The following ETV6 variants were observed in gnomAD, a reference collection of about 807,000 sequenced individuals.
ETV6 encodes ETS variant transcription factor 6, also known as transcription factor ETV6.
A neutral mutation model predicts 51.1 loss-of-function variants in ETV6; 16 were observed. That is an observed-to-expected ratio of 0.31 (90% CI 0.21 to 0.48). The LOEUF is 0.48. Ranked by LOEUF, ETV6 falls within the 20% of genes least tolerant of loss-of-function variation. The pLI is 0.99. For synonymous variants in ETV6, 240 were observed against 224.1 expected, an observed-to-expected ratio of 1.07 and a Z score of -0.64; for missense variants, 458 against 594.8, an observed-to-expected ratio of 0.77 and a Z score of 2.39.
At chr12:11,887,175 C>G (rs1947203486) in intron 7 of ETV6, among the ~76,000 whole-genome samples, 1 of 152,194 alleles carries the variant, frequency 6.6e-6, no homozygotes, top group Non-Finnish European at 1.5e-5. Context: ...CATTCTCTGG[C>G]TCTACCGTAT....
At chr12:11,669,364 T>TTCCTCCCG in intron 1 of ETV6, among the ~76,000 whole-genome samples, 1 of 136,716 alleles carries the variant, frequency 7.3e-6, no homozygotes, top group South Asian at 2.4e-4. Context: ...CTGTCCTCCC[T>TTCCTCCCG]TCCTCCCTTC....
intron 7 of ETV6, 90 bp downstream of exon 7, chr12:11,886,116 A>T: frequency 1.1e-6 from 1 of 903,522 alleles, no homozygotes; most frequent in South Asian, 1.4e-5. Context: ...TAAGATCTCT[A>T]CCTGCCTATC....
At chr12:11,748,550 G>A (rs1431684195) in intron 1 of ETV6, among the ~76,000 whole-genome samples, 1 of 152,114 alleles carries the variant, frequency 6.6e-6, no homozygotes, top group South Asian at 2.1e-4. Context: ...ATGTGCTAGG[G>A]GATCCCCGTG....
Position 11,889,062 on chromosome 12 carries a change from G to GTGGAA in ETV6, c.1254-1877_1254-1873dup, listed in dbSNP as rs535828297. Reference sequence around the variant, plus strand: ...AGTTAATGCTTATTGACAGCCTGGTGTGGAATATCAGAAGCTTAATATGGG... The same window carrying GTGGAA: ...AGTTAATGCTTATTGACAGCCTGGTGTGGAATGGAATATCAGAAGCTTAATATGGG... On this transcript the variant is annotated intron_variant, in intron 7 of 7. Coordinates refer to ENST00000396373, the MANE Select transcript of ETV6 (RefSeq NM_001987.5). 9.2e-5 allele frequency among the ~76,000 whole-genome samples: 14 copies of GTGGAA among 152,132 alleles called. No homozygotes were observed. In the East Asian group the frequency reaches 2.1e-3, roughly 23 times the overall value.
chr12:11,815,160 C>T lies in ETV6; in HGVS notation c.164-23980C>T, dbSNP rs149246546. Among the ~76,000 whole-genome samples the T allele has an allele frequency of 3.9e-5, 6 of 152,284 alleles. No individual in the cohort carries two copies. In the East Asian group the frequency reaches 1.2e-3, roughly 29 times the overall value. The stretch of plus-strand genomic sequence containing the variant: ...TTATAGTCATGTCGAAGAACCTTCA[C>T]ATCCATGGCCTCATTTGATCTCACA... On this transcript the variant is annotated intron_variant, in intron 2 of 7. Coordinates refer to ENST00000396373, the MANE Select transcript of ETV6 (RefSeq NM_001987.5).
intron 1 of ETV6, among the ~76,000 whole-genome samples, chr12:11,734,427 C>A (rs1259180731): frequency 6.7e-6 from 1 of 149,564 alleles, no homozygotes; most frequent in Non-Finnish European, 1.5e-5. Flanking sequence ...GGCAACATGA[C>A]GAAACCTCGT....
intron 1 of ETV6, among the ~76,000 whole-genome samples, chr12:11,675,783 C>A (rs928048946): frequency 6.6e-6 from 1 of 151,836 alleles, no homozygotes; most frequent in African/African-American, 2.4e-5. Flanking sequence ...CACTGTACTT[C>A]ACGCTGGGCA....
intron 2 of ETV6, among the ~76,000 whole-genome samples, chr12:11,798,492 C>G (rs929522097): frequency 3.3e-4 from 51 of 152,250 alleles, no homozygotes; most frequent in African/African-American, 1.2e-3. Flanking sequence ...ATGTGAAATA[C>G]TAGCTTGCGA....
chr12:11,839,105 C>A (rs1235160515), intron 2 of ETV6, 35 bp from the exon 3 acceptor site: 12 of 1,596,454 alleles, frequency 7.5e-6, no homozygotes, highest in Non-Finnish European at 1.0e-5. Flanking sequence ...CAAGACCTTT[C>A]TCTCTTTCTT....
intron 1 of ETV6, among the ~76,000 whole-genome samples, chr12:11,676,260 T>C (rs1405400766): frequency 6.6e-6 from 1 of 152,184 alleles, no homozygotes; most frequent in Non-Finnish European, 1.5e-5. Context: ...GTAGGAGTTA[T>C]AGTGACACAG....
At chr12:11,816,140 G>A (rs1945990006) in intron 2 of ETV6, among the ~76,000 whole-genome samples, 1 of 152,248 alleles carries the variant, frequency 6.6e-6, no homozygotes, top group Non-Finnish European at 1.5e-5. Context: ...TGTCAGTGTG[G>A]CTGGAGCCAG....
chr12:11,884,414 A>T (rs1411782211), intron 5 of ETV6, 31 bp from the exon 6 acceptor site: 1 of 1,612,920 alleles, frequency 6.2e-7, no homozygotes, highest in Non-Finnish European at 8.5e-7. Flanking sequence ...AAACATTTTC[A>T]ACAGTGTTTT....
In ETV6 at chr12:11,666,062, C is replaced by T. The variant is rs143595742; in HGVS notation, c.33+15902C>T. On this transcript the variant is annotated intron_variant, in intron 1 of 7. Coordinates refer to ENST00000396373, the MANE Select transcript of ETV6 (RefSeq NM_001987.5). ...AGTGGCTGTTTGTTGTAGCTGTGTG[C>T]GGTCTTGGCCATAGCTGGCTGTGGT... Among the ~76,000 whole-genome samples the T allele has an allele frequency of 5.9e-5, 9 of 152,160 alleles. No homozygotes were observed. The East Asian group carries it at 9.7e-4, about 16-fold the overall frequency.
chr12:11,779,618 C>T (rs1945382567), intron 2 of ETV6, among the ~76,000 whole-genome samples: 1 of 152,084 alleles, frequency 6.6e-6, no homozygotes, highest in South Asian at 2.1e-4. Context: ...CTCTTTTCTG[C>T]CAGAAGGAAA....
In ETV6 at chr12:11,886,271, G is replaced by A. The variant is rs1041420913; in HGVS notation, c.1253+245G>A. On this transcript the variant is annotated intron_variant, in intron 7 of 7. Coordinates refer to ENST00000396373, the MANE Select transcript of ETV6 (RefSeq NM_001987.5). ...GAATCTGACTCACCTTTAAAATAACGCAGTGACCAAATAATATTATGTGGC... is the reference window on the plus strand; with the variant it reads ...GAATCTGACTCACCTTTAAAATAACACAGTGACCAAATAATATTATGTGGC... Among the ~76,000 whole-genome samples, 4 of 152,124 alleles carry A rather than the reference G, an allele frequency of 2.6e-5. No individual in the cohort carries two copies. In the East Asian group the frequency reaches 5.8e-4, roughly 22 times the overall value.
intron 1 of ETV6, among the ~76,000 whole-genome samples, chr12:11,669,108 C>T (rs545423269): frequency 2.0e-4 from 30 of 152,356 alleles, no homozygotes; most frequent in Admixed American, 1.9e-3. Flanking sequence ...CTTCCCCTTT[C>T]CTGGGCTTTG....
chr12:11,700,341 TTG>T (rs1402174793), intron 1 of ETV6, among the ~76,000 whole-genome samples: 1 of 152,208 alleles, frequency 6.6e-6, no homozygotes, highest in Non-Finnish European at 1.5e-5. Flanking sequence ...GTAGTGAACA[TTG>T]TACCCAATAG....
chr12:11,856,807 A>G (rs2238126), intron 4 of ETV6, among the ~76,000 whole-genome samples: 28,129 of 152,104 alleles, frequency 0.18, 2,978 homozygotes, highest in East Asian at 0.49. Context: ...ATACAGAAAG[A>G]TCTGGTTCTG....
chr12:11,714,291 T>C (rs1224877443), intron 1 of ETV6, among the ~76,000 whole-genome samples: 1 of 152,184 alleles, frequency 6.6e-6, no homozygotes, highest in East Asian at 1.9e-4. Context: ...GGCACAGATA[T>C]AACGGCTCTC....
Sources: gnomAD v4.1 joint callset for allele counts (sites outside exome capture counted in the v4.1 genomes callset) on GRCh38, gnomAD v4.1.1 for gene constraint, MANE v1.5 for transcripts, NCBI Gene and HGNC (gene_info 2026-07-23, HGNC 2026-07-21) for gene names.